GIMAP8: variants seen among roughly 807,000 people sequenced by gnomAD.
GIMAP8 encodes GTPase, IMAP family member 8.
A neutral mutation model predicts 35.6 loss-of-function variants in GIMAP8; 29 were observed. The observed-to-expected ratio is 0.81, with a 90% confidence interval of 0.61 to 1.11. The LOEUF (loss-of-function observed/expected upper bound fraction) is 1.11. GIMAP8 is among the 50% of genes most tolerant of loss of function. The probability of loss-of-function intolerance (pLI) is 0.00; values close to 1 mark genes in which losing one functional copy is unlikely to be tolerated. For synonymous variants in GIMAP8, 335 were observed against 308.7 expected (o/e 1.09, Z -0.89); for missense variants, 811 against 805.0 (o/e 1.01, Z -0.09).
chr7:150,470,579 C>T (rs1371331348), intron 2 of GIMAP8, among the ~76,000 whole-genome samples: 1 of 151,996 alleles, frequency 6.6e-6, no homozygotes, highest in South Asian at 2.1e-4. Context: ...GGGAAGGAGA[C>T]GTTGGAAACA....
chr7:150,470,665 A>C (rs1326320313), intron 2 of GIMAP8, among the ~76,000 whole-genome samples, 164 bp from the exon 3 acceptor site: 1 of 151,970 alleles, frequency 6.6e-6, no homozygotes, highest in Admixed American at 6.5e-5. Context: ...AGGTCCACAA[A>C]GACCAACAAA....
At chr7:150,453,107 A>C (rs1048374428) in intron 1 of GIMAP8, among the ~76,000 whole-genome samples, 2 of 151,980 alleles carry the variant, frequency 1.3e-5, no homozygotes, top group Non-Finnish European at 2.9e-5. Flanking sequence ...TAGACATTTA[A>C]AAATAAAATT....
intron 1 of GIMAP8, among the ~76,000 whole-genome samples, chr7:150,464,656 C>G (rs1318310106): frequency 6.6e-6 from 1 of 152,046 alleles, no homozygotes; most frequent in Non-Finnish European, 1.5e-5. Context: ...GCACAACAAC[C>G]TGGGCAACAG....
intron 4 of GIMAP8, among the ~76,000 whole-genome samples, chr7:150,476,845 C>T (rs985636357): frequency 2.6e-5 from 4 of 152,164 alleles, no homozygotes; most frequent in African/African-American, 9.7e-5. Context: ...AACAGTGCCA[C>T]ATTGGTGGAT....
At chr7:150,463,914 A>G (rs1223862418) in intron 1 of GIMAP8, among the ~76,000 whole-genome samples, 2 of 152,030 alleles carry the variant, frequency 1.3e-5, no homozygotes, top group African/African-American at 4.8e-5. Flanking sequence ...TGGATGATAT[A>G]TGTAGCATTG....
chr7:150,470,944 A>C (rs1379766060), intron 3 of GIMAP8, 70 bp downstream of exon 3: 1 of 1,154,812 alleles, frequency 8.7e-7, no homozygotes, highest in African/African-American at 1.6e-5. Context: ...AGCCAAAGTG[A>C]AGCGGAAACA....
At position 150,472,116 on chromosome 7, in the gene GIMAP8, T is replaced by C. The variant is rs772190342; in HGVS notation, c.682+1242T>C. 2.8e-4 allele frequency among the ~76,000 whole-genome samples: 43 copies of C among 151,952 alleles called. No individual in the cohort carries two copies. Among genetic ancestry groups the C allele is most frequent in the Non-Finnish European group, 5.6e-4 (38 of 67,992 alleles). On this transcript the variant is annotated intron_variant, in intron 3 of 4. Transcript: ENST00000307271. The surrounding 1 kb of genome is among the most constrained non-coding windows in gnomAD (Gnocchi z 4.1). Reference sequence around the variant, plus strand: ...ACACGTGTGACTGAACAAAAGTGCGTTTATTGACCTGTGGCTGTGAGGGCC... The same window carrying C: ...ACACGTGTGACTGAACAAAAGTGCGCTTATTGACCTGTGGCTGTGAGGGCC...
intron 1 of GIMAP8, among the ~76,000 whole-genome samples, chr7:150,458,889 T>G (rs1801784560): frequency 6.6e-6 from 1 of 152,194 alleles, no homozygotes; most frequent in Admixed American, 6.5e-5. Context: ...CACACATACA[T>G]TCATTACAAA....
At chr7:150,477,030 A>G in intron 4 of GIMAP8, 62 bp from the exon 5 acceptor site, 1 of 1,326,652 alleles carries the variant, frequency 7.5e-7, no homozygotes, top group Non-Finnish European at 1.1e-6. Context: ...TCATGGGATA[A>G]CTTTAAAATC....
chr7:150,455,250 T>C (rs1563279566), intron 1 of GIMAP8, among the ~76,000 whole-genome samples: 1 of 151,664 alleles, frequency 6.6e-6, no homozygotes, highest in Non-Finnish European at 1.5e-5. Flanking sequence ...TGCAATGCAA[T>C]GGCATTCAGC....
rs181218321 is a variant in GIMAP8, at chr7:150,462,949, G to A, written c.-28-3722G>A. 4.2e-3 allele frequency among the ~76,000 whole-genome samples: 632 copies of A among 152,132 alleles called. 3 individuals are homozygous for A. The highest frequency in any genetic ancestry group is 0.014 in the African/African-American group (602 of 41,534). Reference sequence around the variant, plus strand: ...GATTTTCTGTGACTTTTCCCATCTTGTATCTTTCTGGAACTCTCAAAATTC... The same window carrying A: ...GATTTTCTGTGACTTTTCCCATCTTATATCTTTCTGGAACTCTCAAAATTC... On this transcript the variant is annotated intron_variant, in intron 1 of 4. Transcript: ENST00000307271.
chr7:150,473,029 T>C (rs998927), intron 3 of GIMAP8, among the ~76,000 whole-genome samples: 24,262 of 152,192 alleles, frequency 0.16, 2,304 homozygotes, highest in Non-Finnish European at 0.21. Context: ...TGGAAACAGA[T>C]TCGCAAAGCG....
Position 150,474,235 on chromosome 7 carries a change from T to C in GIMAP8, c.906T>C (p.Asp302=). ...GAAAAAAGAAAGTTTCGATCATTGA[T>C]GCTCCGGACATCTCATCTTTAAAGA... ...SWRKKKVSII[D]APDISSLKNI... Residue 302 remains aspartate (D), a synonymous_variant, in exon 4 of 5, where the codon GAT becomes GAC. Coordinates refer to ENST00000307271, the MANE Select transcript of GIMAP8 (RefSeq NM_175571.4). The C allele has an allele frequency of 6.2e-7, 1 of 1,614,232 alleles. No homozygotes were observed. The highest frequency in any genetic ancestry group is 8.5e-7 in the Non-Finnish European group (1 of 1,180,044).
At chr7:150,471,841 A>T (rs1802100211) in intron 3 of GIMAP8, among the ~76,000 whole-genome samples, 1 of 152,070 alleles carries the variant, frequency 6.6e-6, no homozygotes, top group Admixed American at 6.6e-5. Flanking sequence ...TGTCTCAAAA[A>T]AAAAAAAAAT....
chr7:150,454,122 C>T lies in GIMAP8; in HGVS notation c.-29+2947C>T, dbSNP rs1005306712. Among the ~76,000 whole-genome samples the T allele has an allele frequency of 5.9e-5, 9 of 151,986 alleles. No individual in the cohort carries two copies. The South Asian group carries it at 1.0e-3, about 18-fold the overall frequency. ...AACAGCAAGCATGTTTGAAGTACAGCGCAGGCTGATGTGACTATGGCACAC... is the reference window on the plus strand; with the variant it reads ...AACAGCAAGCATGTTTGAAGTACAGTGCAGGCTGATGTGACTATGGCACAC... On this transcript the variant is annotated intron_variant, in intron 1 of 4. Coordinates refer to ENST00000307271, the MANE Select transcript of GIMAP8 (RefSeq NM_175571.4).
chr7:150,454,084 C>T (rs1801677111), intron 1 of GIMAP8, among the ~76,000 whole-genome samples: 2 of 152,076 alleles, frequency 1.3e-5, no homozygotes, highest in South Asian at 4.1e-4. Context: ...GGGACAATGC[C>T]CCAGTTCAGA....
chr7:150,463,181 T>A (rs1008205141), intron 1 of GIMAP8, among the ~76,000 whole-genome samples: 9 of 151,750 alleles, frequency 5.9e-5, no homozygotes, highest in African/African-American at 2.2e-4. Context: ...AGGATTTCCA[T>A]TTGGTTCCTT....
intron 1 of GIMAP8, among the ~76,000 whole-genome samples, chr7:150,452,665 G>T (rs1801636648): frequency 9.2e-6 from 1 of 108,212 alleles, no homozygotes; most frequent in Non-Finnish European, 1.8e-5. Flanking sequence ...GTGTGTGTGT[G>T]TGTGTGTGAG....
At chr7:150,456,275 C>A (rs1056824801) in intron 1 of GIMAP8, among the ~76,000 whole-genome samples, 1 of 152,160 alleles carries the variant, frequency 6.6e-6, no homozygotes, top group Non-Finnish European at 1.5e-5. Flanking sequence ...TTCTGGAGGT[C>A]AAAAGTGCTG....
Sources: allele counts gnomAD v4.1 joint callset (sites outside exome capture counted in the v4.1 genomes callset), GRCh38; gene constraint gnomAD v4.1.1; non-coding constraint Gnocchi (gnomAD v3.1); transcripts MANE v1.5; gene names NCBI Gene and HGNC (gene_info 2026-07-23, HGNC 2026-07-21).